The following NALF1 variants were observed in gnomAD, a reference collection of about 807,000 sequenced individuals.
NALF1 encodes family with sequence similarity 155 member A.
A neutral mutation model predicts 48.4 loss-of-function variants in NALF1; 3 were observed. That is an observed-to-expected ratio of 0.06 (90% confidence interval 0.03 to 0.16). The LOEUF (loss-of-function observed/expected upper bound fraction) is 0.16. Ranked by LOEUF, NALF1 falls within the 10% of genes least tolerant of loss-of-function variation. The pLI is 1.00. For missense variants in NALF1, 526 were observed against 571.5 expected, an observed-to-expected ratio of 0.92 and a Z score of 0.81; for synonymous variants, 262 against 245.7, an observed-to-expected ratio of 1.07 and a Z score of -0.62.
intron 1 of NALF1, among the ~76,000 whole-genome samples, chr13:107,761,626 T>C (rs1401578233): frequency 6.6e-6 from 1 of 152,198 alleles, no homozygotes; most frequent in African/African-American, 2.4e-5. Context: ...GTAATTCCAA[T>C]TAGGCATTGT....
chr13:107,374,354 T>C (rs1594142871), intron 1 of NALF1, among the ~76,000 whole-genome samples: 1 of 152,220 alleles, frequency 6.6e-6, no homozygotes, highest in African/African-American at 2.4e-5. Context: ...ATTCAGCACA[T>C]GACTTCAGTG....
chr13:107,421,943 C>T (rs767060704), intron 1 of NALF1, among the ~76,000 whole-genome samples: 1 of 152,114 alleles, frequency 6.6e-6, no homozygotes, highest in Non-Finnish European at 1.5e-5. Flanking sequence ...AGCAGAGCAA[C>T]ATGAATTGTG....
rs1880905593 is a variant in NALF1, at chr13:107,260,293, A to C, written c.916-49538T>G. On this transcript the variant is annotated intron_variant, in intron 1 of 2. Coordinates refer to ENST00000375915, the MANE Select transcript of NALF1 (RefSeq NM_001080396.3). ...AGTTCTGTGAAACTGTCTGCTGTGAATGGTTGCAAATGCACTCCAGAAGAC... is the reference window on the plus strand; with the variant it reads ...AGTTCTGTGAAACTGTCTGCTGTGACTGGTTGCAAATGCACTCCAGAAGAC... Among the ~76,000 whole-genome samples, 3 of 152,352 alleles carry C rather than the reference A, an allele frequency of 2.0e-5. No homozygotes were observed. In the South Asian group the frequency reaches 6.2e-4, roughly 32 times the overall value.
intron 1 of NALF1, among the ~76,000 whole-genome samples, chr13:107,754,201 T>A (rs140508937): frequency 4.0e-4 from 61 of 152,310 alleles, no homozygotes; most frequent in African/African-American, 1.4e-3. Context: ...ATTTTTGTAC[T>A]TATTCAGTAA....
intron 1 of NALF1, among the ~76,000 whole-genome samples, chr13:107,398,736 T>G (rs6492053): frequency 0.15 from 23,206 of 152,168 alleles, 1,869 homozygotes; most frequent in South Asian, 0.25. Context: ...GGTAGATAGC[T>G]GGAACTGAAC....
At chr13:107,742,609 T>C (rs1876672197) in intron 1 of NALF1, among the ~76,000 whole-genome samples, 1 of 152,226 alleles carries the variant, frequency 6.6e-6, no homozygotes, top group Admixed American at 6.5e-5. Context: ...CCTACAGAAA[T>C]GTGAGTCAAT....
intron 2 of NALF1, among the ~76,000 whole-genome samples, chr13:107,180,128 C>A (rs1879031682): frequency 6.6e-6 from 1 of 151,514 alleles, no homozygotes; most frequent in African/African-American, 2.4e-5. Flanking sequence ...ATCCACAAAA[C>A]TTTAAAAATA....
chr13:107,506,266 A>C (rs1323148487), intron 1 of NALF1, among the ~76,000 whole-genome samples: 1 of 152,188 alleles, frequency 6.6e-6, no homozygotes, highest in Non-Finnish European at 1.5e-5. Context: ...ATTTAAGAAA[A>C]TATTGTAATA....
intron 1 of NALF1, among the ~76,000 whole-genome samples, chr13:107,847,094 GA>G (rs992445563): frequency 4.1e-4 from 62 of 151,866 alleles, no homozygotes; most frequent in African/African-American, 1.4e-3. Context: ...TTGTTTTGGG[GA>G]AAAAAAGAAA....
At chr13:107,492,467 G>C (rs987344628) in intron 1 of NALF1, among the ~76,000 whole-genome samples, 1 of 151,950 alleles carries the variant, frequency 6.6e-6, no homozygotes, top group Non-Finnish European at 1.5e-5. Flanking sequence ...ATTCTTTCCC[G>C]CACCACAGCT....
chr13:107,433,642 C>T (rs971397134), intron 1 of NALF1, among the ~76,000 whole-genome samples: 2 of 151,674 alleles, frequency 1.3e-5, no homozygotes, highest in African/African-American at 4.8e-5. Context: ...CAAACATTTG[C>T]TATTCTACAC....
At position 107,706,904 on chromosome 13, in the gene NALF1, A is replaced by T. The variant is rs538696540; in HGVS notation, c.915+158778T>A. Among the ~76,000 whole-genome samples, 9 of 151,002 alleles carry T rather than the reference A, an allele frequency of 6.0e-5. 1 individual carries two copies. The South Asian group carries it at 1.7e-3, about 28-fold the overall frequency. On this transcript the variant is annotated intron_variant, in intron 1 of 2. Transcript: ENST00000375915. ...GAGAGGGTTATGTCCGCCAGTTTTT[A>T]AATCAAGGGCATTCTTTTTTTTTTT...
chr13:107,351,393 G>C (rs1345352252), intron 1 of NALF1, among the ~76,000 whole-genome samples: 2 of 152,174 alleles, frequency 1.3e-5, no homozygotes, highest in Admixed American at 1.3e-4. Flanking sequence ...TTACGGGTCT[G>C]AGATAAGACC....
chr13:107,434,229 G>A (rs1227869300), intron 1 of NALF1, among the ~76,000 whole-genome samples: 1 of 152,158 alleles, frequency 6.6e-6, no homozygotes, highest in Admixed American at 6.6e-5. Flanking sequence ...AGAAATCTTA[G>A]TCAGTGGACT....
intron 1 of NALF1, among the ~76,000 whole-genome samples, chr13:107,623,607 G>A (rs371051957): frequency 2.6e-5 from 4 of 152,180 alleles, no homozygotes; most frequent in East Asian, 1.9e-4. Context: ...TGTATGCATA[G>A]TTGAAGGGCA....
intron 1 of NALF1, among the ~76,000 whole-genome samples, chr13:107,396,243 G>C (rs4590998): frequency 0.66 from 99,888 of 152,000 alleles, 32,887 homozygotes; most frequent in African/African-American, 0.7. Flanking sequence ...CTCACAGGCT[G>C]TATCTCCAAA....
At chr13:107,527,682 G>C (rs1876490650) in intron 1 of NALF1, among the ~76,000 whole-genome samples, 1 of 152,036 alleles carries the variant, frequency 6.6e-6, no homozygotes, top group Non-Finnish European at 1.5e-5. Flanking sequence ...TCATGGGGGT[G>C]GTTTCTCCAT....
At position 107,203,927 on chromosome 13, in the gene NALF1, T is replaced by TGGAGGCAGAGGGGGGCAGAG. The variant is rs1879576716; in HGVS notation, c.1087+6637_1087+6656dup. Among the ~76,000 whole-genome samples, 14 of 152,346 alleles carry TGGAGGCAGAGGGGGGCAGAG rather than the reference T, an allele frequency of 9.2e-5. No individual in the cohort carries two copies. In the South Asian group the frequency reaches 2.9e-3, roughly 32 times the overall value. Reference sequence around the variant, plus strand: ...GGGCCTGCCCAGTTGTCAGCATGCCTGGAGGCAGAGGGGGGCAGAGGGAGG... The same window carrying TGGAGGCAGAGGGGGGCAGAG: ...GGGCCTGCCCAGTTGTCAGCATGCCTGGAGGCAGAGGGGGGCAGAGGGAGGCAGAGGGGGGCAGAGGGAGG... On this transcript the variant is annotated intron_variant, in intron 2 of 2. Coordinates refer to ENST00000375915, the MANE Select transcript of NALF1 (RefSeq NM_001080396.3).
chr13:107,757,984 G>A (rs973716089), intron 1 of NALF1, among the ~76,000 whole-genome samples: 1 of 152,154 alleles, frequency 6.6e-6, no homozygotes, highest in Non-Finnish European at 1.5e-5. Context: ...TTCAGGGGCT[G>A]ATGGGAGAGA....
Sources: allele counts gnomAD v4.1 joint callset (sites outside exome capture counted in the v4.1 genomes callset), GRCh38; gene constraint gnomAD v4.1.1; transcripts MANE v1.5; gene names NCBI Gene and HGNC (gene_info 2026-07-23, HGNC 2026-07-21).